Variants in SORCS2 observed in about 807,000 individuals in gnomAD.
SORCS2 encodes VPS10 domain-containing receptor SorCS2.
In SORCS2, 100 loss-of-function variants were observed where a neutral mutation model predicts 141.6. That is an observed-to-expected ratio of 0.71 (90% CI 0.60 to 0.83). The LOEUF (loss-of-function observed/expected upper bound fraction) is 0.83, where lower values mean the gene tolerates loss of function less well. Ranked by LOEUF, SORCS2 falls within the 40% of genes least tolerant of loss-of-function variation. The probability of loss-of-function intolerance (pLI) is 0.00; values close to 1 mark genes in which losing one functional copy is unlikely to be tolerated. For missense variants in SORCS2, 1,646 were observed against 1,560.2 expected (o/e 1.05, Z -0.93); for synonymous variants, 789 against 676.9 (o/e 1.17, Z -2.57).
intron 8 of SORCS2, among the ~76,000 whole-genome samples, chr4:7,673,341 G>A (rs889510655): frequency 2.0e-5 from 3 of 152,208 alleles, no homozygotes; most frequent in Admixed American, 1.3e-4. Context: ...AATAACCAGA[G>A]AGCCAGAGAT....
Position 7,728,438 on chromosome 4 carries a change from G to C in SORCS2, c.2958G>C (p.Leu986=). The change falls in exon 22 of 27, where the codon CTG becomes CTC. Residue 986 remains leucine, a synonymous_variant. Transcript: ENST00000507866. ...CTGAGTGGAGGGAAGACGTGGGCCT[G>C]GTGGTCACCCGGCTGCTCTCCAAGG... ...NTPEWREDVG[L]VVTRLLSKET... is the part of the protein sequence containing the mutation. 1 of 1,613,332 alleles carries C rather than the reference G, an allele frequency of 6.2e-7. No homozygotes were observed. The highest frequency in any genetic ancestry group is 8.5e-7 in the Non-Finnish European group (1 of 1,179,714).
At chr4:7,566,872 A>G (rs1715054760) in intron 3 of SORCS2, among the ~76,000 whole-genome samples, 1 of 150,074 alleles carries the variant, frequency 6.7e-6, no homozygotes. Flanking sequence ...GGAAATGCAG[A>G]GGGGGCACAT....
intron 1 of SORCS2, among the ~76,000 whole-genome samples, chr4:7,205,180 G>A (rs74928922): frequency 0.025 from 3,824 of 152,204 alleles, 142 homozygotes; most frequent in African/African-American, 0.087. Flanking sequence ...GACGTCAGGC[G>A]GCTGCTGTGT....
At chr4:7,396,817 A>T (rs560585551) in intron 2 of SORCS2, among the ~76,000 whole-genome samples, 51 of 152,328 alleles carry the variant, frequency 3.3e-4, no homozygotes, top group Middle Eastern at 6.8e-3. Context: ...GCCACTGGCG[A>T]TGGGGGATAT....
chr4:7,678,234 G>A (rs1022490184), intron 9 of SORCS2, among the ~76,000 whole-genome samples: 14 of 151,438 alleles, frequency 9.2e-5, no homozygotes, highest in Non-Finnish European at 1.8e-4. Flanking sequence ...CTGAGCAGGA[G>A]TTAGCCAGGT....
intron 1 of SORCS2, among the ~76,000 whole-genome samples, chr4:7,215,616 A>G (rs1376717403): frequency 6.6e-6 from 1 of 152,200 alleles, no homozygotes; most frequent in Non-Finnish European, 1.5e-5. Flanking sequence ...GACGTGGAGA[A>G]TCTTTATGTC....
At chr4:7,674,497 CG>C (rs565254639) in intron 8 of SORCS2, among the ~76,000 whole-genome samples, 7 of 146,236 alleles carry the variant, frequency 4.8e-5, no homozygotes, top group Non-Finnish European at 9.0e-5. Context: ...GGTGTGAACC[CG>C]GGGGGGCAGA....
intron 2 of SORCS2, among the ~76,000 whole-genome samples, chr4:7,472,750 C>G (rs1055431807): frequency 6.6e-6 from 1 of 152,148 alleles, no homozygotes; most frequent in African/African-American, 2.4e-5. Flanking sequence ...AGACTGGTCC[C>G]CGCTGGAGGG....
At chr4:7,421,557 T>C (rs2109190573) in intron 2 of SORCS2, among the ~76,000 whole-genome samples, 1 of 152,316 alleles carries the variant, frequency 6.6e-6, no homozygotes. Flanking sequence ...ATGGTCATTC[T>C]TTAGCAGCAC....
At chr4:7,386,158 CAG>C (rs1419815239) in intron 1 of SORCS2, among the ~76,000 whole-genome samples, 4 of 150,014 alleles carry the variant, frequency 2.7e-5, no homozygotes, top group South Asian at 4.2e-4. Context: ...TACAGGTACA[CAG>C]AGATACACAT....
At chr4:7,403,972 TA>T (rs1724761011) in intron 2 of SORCS2, among the ~76,000 whole-genome samples, 1 of 5,006 alleles carries the variant, frequency 2.0e-4, no homozygotes, top group Non-Finnish European at 7.8e-4. Context: ...TATATATATA[TA>T]TATATATATA....
intron 1 of SORCS2, among the ~76,000 whole-genome samples, chr4:7,328,460 A>G (rs1299523562): frequency 6.6e-6 from 1 of 152,128 alleles, no homozygotes; most frequent in South Asian, 2.1e-4. Context: ...TCGCTTGGCC[A>G]GGGCTTCAAA....
intron 2 of SORCS2, among the ~76,000 whole-genome samples, chr4:7,445,982 G>T (rs1192741268): frequency 6.8e-6 from 1 of 147,968 alleles, no homozygotes; most frequent in Non-Finnish European, 1.5e-5. Context: ...ATGCCTCGAA[G>T]CTGCTTTCTT....
Position 7,501,251 on chromosome 4 carries a change from A to T in SORCS2, c.549-30279A>T, listed in dbSNP as rs192810920. Among the ~76,000 whole-genome samples the T allele has an allele frequency of 1.3e-4, 20 of 152,306 alleles. No homozygotes were observed. The East Asian group carries it at 3.7e-3, about 28-fold the overall frequency. On this transcript the variant is annotated intron_variant, in intron 2 of 26. Transcript: ENST00000507866. ...GTCCCACGCCCTCGTGGGCCAGTAA[A>T]GCCCAATGCTCTTTACAAAGAACCT...
chr4:7,617,471 T>C (rs1718843144), intron 3 of SORCS2, among the ~76,000 whole-genome samples: 1 of 151,810 alleles, frequency 6.6e-6, no homozygotes, highest in East Asian at 1.9e-4. Flanking sequence ...GGGTGTGGGG[T>C]GTGCATAGAA....
chr4:7,427,277 A>G (rs569726087), intron 2 of SORCS2, among the ~76,000 whole-genome samples: 12 of 152,232 alleles, frequency 7.9e-5, no homozygotes, highest in African/African-American at 2.9e-4. Flanking sequence ...GTCACTGAAC[A>G]TGGCTGTTTT....
At chr4:7,354,648 G>A (rs1400206294) in intron 1 of SORCS2, among the ~76,000 whole-genome samples, 1 of 152,210 alleles carries the variant, frequency 6.6e-6, no homozygotes, top group Non-Finnish European at 1.5e-5. Flanking sequence ...CCAAATCGGG[G>A]AAGGGCACTA....
At chr4:7,688,338 G>A (rs1178237658) in intron 10 of SORCS2, among the ~76,000 whole-genome samples, 1 of 152,208 alleles carries the variant, frequency 6.6e-6, no homozygotes, top group Non-Finnish European at 1.5e-5. Context: ...AATTAGTGGT[G>A]TCTCCTAAGT....
chr4:7,704,052 T>C, intron 13 of SORCS2, 125 bp from the exon 14 acceptor site: 2 of 739,650 alleles, frequency 2.7e-6, no homozygotes, highest in Non-Finnish European at 4.8e-6. Flanking sequence ...AGATGTGGTA[T>C]CACCTGCACT....
Sources: gnomAD v4.1 joint callset for allele counts (sites outside exome capture counted in the v4.1 genomes callset) on GRCh38, gnomAD v4.1.1 for gene constraint, MANE v1.5 for transcripts, NCBI Gene and HGNC (gene_info 2026-07-23, HGNC 2026-07-21) for gene names.